Variants in AEBP2 observed in about 807,000 individuals in gnomAD.
AEBP2 encodes AE binding protein 2.
A neutral mutation model predicts 50.8 loss-of-function variants in AEBP2; 10 were observed. The ratio of observed to expected loss-of-function variants is 0.20; its 90% CI spans 0.12 to 0.33. The LOEUF (loss-of-function observed/expected upper bound fraction) is 0.33. Among genes scored for constraint, AEBP2 ranks in the 10% least tolerant of loss-of-function variants. The pLI is 1.00. For missense variants in AEBP2, 570 were observed against 688.0 expected (o/e 0.83, Z 1.92); for synonymous variants, 296 against 261.3 (o/e 1.13, Z -1.28).
At chr12:19,464,592 A>T (rs909842728) in intron 2 of AEBP2, among the ~76,000 whole-genome samples, 4 of 147,722 alleles carry the variant, frequency 2.7e-5, no homozygotes, top group Admixed American at 6.8e-5. Context: ...TAATTAATTA[A>T]TTTTTTTTTT....
intron 1 of AEBP2, among the ~76,000 whole-genome samples, chr12:19,451,367 G>A (rs1948163691): frequency 6.6e-6 from 1 of 152,104 alleles, no homozygotes; most frequent in Non-Finnish European, 1.5e-5. Flanking sequence ...AACAGCTGGG[G>A]GTCAGAACAG....
rs1949375577 is a variant in AEBP2, at chr12:19,520,013, C to CT, written c.*1899dup. 6.6e-6 allele frequency: 1 copy of CT among 152,512 alleles called. No individual in the cohort carries two copies. The highest frequency in any genetic ancestry group is 1.5e-5 in the Non-Finnish European group (1 of 67,966). 9.4% of individuals were successfully genotyped at this position (152,512 alleles called of 1,614,324 possible). On this transcript the variant is annotated 3_prime_UTR_variant, in exon 8 of 8. Transcript: ENST00000266508. The stretch of plus-strand genomic sequence containing the variant: ...TTTTGCTTAAGCACTTCATCAATTG[C>CT]TTTATTCTGTATCTGCGAAGTAATC...
intron 3 of AEBP2, among the ~76,000 whole-genome samples, chr12:19,475,075 G>T (rs1468546205): frequency 6.6e-6 from 1 of 152,126 alleles, no homozygotes; most frequent in Non-Finnish European, 1.5e-5. Flanking sequence ...AACCACACCT[G>T]GCCCTAATTT....
chr12:19,493,004 A>T (rs1009693714), intron 3 of AEBP2, among the ~76,000 whole-genome samples: 1 of 152,170 alleles, frequency 6.6e-6, no homozygotes, highest in Non-Finnish European at 1.5e-5. Context: ...AATACAAAAT[A>T]CATTAAAAAG....
At chr12:19,494,015 T>G in intron 4 of AEBP2, 29 bp downstream of exon 4, 1 of 283,892 alleles carries the variant, frequency 3.5e-6, no homozygotes, top group South Asian at 5.2e-5. Flanking sequence ...AAATCTGGTG[T>G]ATTTCATGGT....
chr12:19,458,769 CTT>C (rs1948318756), intron 1 of AEBP2, among the ~76,000 whole-genome samples: 1 of 152,076 alleles, frequency 6.6e-6, no homozygotes, highest in South Asian at 2.1e-4. Flanking sequence ...TAATTTTGGA[CTT>C]TTTAATAAAA....
rs375697161 is a variant in AEBP2 at position 19,461,342 on chromosome 12, AGT to A, written c.672-1164_672-1163del. 1.0e-3 allele frequency among the ~76,000 whole-genome samples: 155 copies of A among 152,310 alleles called. 1 individual carries two copies. Among genetic ancestry groups the A allele is most frequent in the African/African-American group, 3.6e-3 (149 of 41,576 alleles). On this transcript the variant is annotated intron_variant, in intron 1 of 7. Coordinates refer to ENST00000266508, the MANE Select transcript of AEBP2 (RefSeq NM_153207.5). ...GAATTGCTTTTAAAATGAAGGCGGA[AGT>A]GTGATACATTTTATTAAGATGTGAA...
intron 1 of AEBP2, among the ~76,000 whole-genome samples, chr12:19,417,509 C>T (rs969495907): frequency 1.3e-5 from 2 of 151,872 alleles, no homozygotes; most frequent in Non-Finnish European, 2.9e-5. Flanking sequence ...CGGGCTCAAC[C>T]GATTCTCCTG....
chr12:19,482,017 A>T (rs2153374836), intron 3 of AEBP2, among the ~76,000 whole-genome samples: 1 of 152,302 alleles, frequency 6.6e-6, no homozygotes, highest in East Asian at 1.9e-4. Context: ...GGGGTTATAG[A>T]ACCCTGTTTT....
chr12:19,453,044 T>C (rs1417609405), intron 1 of AEBP2, among the ~76,000 whole-genome samples: 2 of 146,278 alleles, frequency 1.4e-5, no homozygotes, highest in Non-Finnish European at 3.0e-5. Context: ...TCTCGGCTCA[T>C]TGCAAGCTCC....
At chr12:19,445,763 A>G (rs1230201524) in intron 1 of AEBP2, among the ~76,000 whole-genome samples, 1 of 152,150 alleles carries the variant, frequency 6.6e-6, no homozygotes, top group East Asian at 1.9e-4. Context: ...AAAATATTTG[A>G]TTACAGCATG....
chr12:19,502,009 G>T (rs1267056517), intron 5 of AEBP2, among the ~76,000 whole-genome samples: 1 of 151,966 alleles, frequency 6.6e-6, no homozygotes, highest in Admixed American at 6.6e-5. Flanking sequence ...GTTTTGCATA[G>T]ATTATATGCA....
intron 1 of AEBP2, among the ~76,000 whole-genome samples, chr12:19,418,410 T>G (rs1365838792): frequency 6.7e-6 from 1 of 149,886 alleles, no homozygotes; most frequent in African/African-American, 2.5e-5. Context: ...TTTTTTTTTT[T>G]TGTGGATATG....
intron 1 of AEBP2, among the ~76,000 whole-genome samples, chr12:19,461,762 C>T (rs983473923): frequency 6.6e-6 from 1 of 152,122 alleles, no homozygotes; most frequent in Non-Finnish European, 1.5e-5. Context: ...CCACCCGCCT[C>T]GGCCTCCCAA....
intron 1 of AEBP2, among the ~76,000 whole-genome samples, chr12:19,458,950 A>G (rs1404907309): frequency 1.3e-5 from 2 of 152,182 alleles, no homozygotes; most frequent in East Asian, 1.9e-4. Context: ...TAGGTATGCA[A>G]ATTGGATCAT....
chr12:19,429,007 A>G (rs1208853934), intron 1 of AEBP2, among the ~76,000 whole-genome samples: 1 of 152,086 alleles, frequency 6.6e-6, no homozygotes, highest in Non-Finnish European at 1.5e-5. Flanking sequence ...TTTAAGTTTT[A>G]GGATACATGT....
chr12:19,503,436 T>A (rs1949112622), intron 5 of AEBP2, among the ~76,000 whole-genome samples: 1 of 152,104 alleles, frequency 6.6e-6, no homozygotes, highest in Non-Finnish European at 1.5e-5. Flanking sequence ...TGCTACTGAT[T>A]TTTGTACATT....
chr12:19,509,036 G>T (rs1029178693), intron 5 of AEBP2: 14 of 571,036 alleles, frequency 2.5e-5, no homozygotes, highest in African/African-American at 1.9e-4. Context: ...ACCAAAATCT[G>T]CATGTGGCAT....
chr12:19,472,745 A>G (rs1421237680), intron 2 of AEBP2, among the ~76,000 whole-genome samples: 2 of 152,156 alleles, frequency 1.3e-5, no homozygotes, highest in Non-Finnish European at 2.9e-5. Context: ...AAAGATTGTA[A>G]TTTGATAATT....
Sources: allele counts gnomAD v4.1 joint callset (sites outside exome capture counted in the v4.1 genomes callset), GRCh38; gene constraint gnomAD v4.1.1; transcripts MANE v1.5; gene names NCBI Gene and HGNC (gene_info 2026-07-23, HGNC 2026-07-21).